COPA: variants seen among roughly 807,000 people sequenced by gnomAD.
COPA encodes coatomer subunit alpha.
In COPA, 10 loss-of-function variants were observed where a neutral mutation model predicts 158.7. The observed-to-expected ratio is 0.06, with a 90% CI of 0.04 to 0.11. COPA has a LOEUF of 0.11. Ranked by LOEUF, COPA falls within the 10% of genes least tolerant of loss-of-function variation. The pLI is 1.00. For synonymous variants in COPA, 462 were observed against 542.8 expected (o/e 0.85, Z 2.07); for missense variants, 1,065 against 1,536.7 (o/e 0.69, Z 5.13).
chr1:160,313,870 A>C, intron 9 of COPA, 120 bp downstream of exon 9: 1 of 964,996 alleles, frequency 1.0e-6, no homozygotes, highest in Non-Finnish European at 1.4e-6. Flanking sequence ...TCAAATTTTC[A>C]TAATATATGA....
intron 8 of COPA, among the ~76,000 whole-genome samples, chr1:160,321,255 A>C (rs75614942): frequency 0.033 from 5,038 of 152,236 alleles, 277 homozygotes; most frequent in African/African-American, 0.12. Flanking sequence ...AATGGGAAAA[A>C]ATTGAAGGCC....
Position 160,288,852 on chromosome 1 carries a change from T to A in COPA, c.*1305A>T, listed in dbSNP as rs73027686. On this transcript the variant is annotated 3_prime_UTR_variant, in exon 33 of 33. Coordinates refer to ENST00000241704, the MANE Select transcript of COPA (RefSeq NM_004371.4). ...GGCAGGTGCTCAATAAATATTGCTA[T>A]AATTAGCAAAAGATAAAAGGCTGCA... is the stretch of plus-strand genomic sequence containing the variant. 0.058 allele frequency among the ~76,000 whole-genome samples: 8,833 copies of A among 152,262 alleles called. 517 individuals are homozygous for A. Among genetic ancestry groups the A allele is most frequent in the African/African-American group, 0.14 (5,867 of 41,550 alleles).
chr1:160,333,676 A>G lies in COPA; in HGVS notation c.313T>C (p.Tyr105His). 6.2e-7 allele frequency: 1 copy of G among 1,611,560 alleles called. No homozygotes were observed. The highest frequency in any genetic ancestry group is 8.5e-7 in the Non-Finnish European group (1 of 1,178,102). ...TCGGAGGCACTCAGAATCCAGGGAT[A>G]TTCCTGAAAGATATTCCAGACAAAG... is the stretch of plus-strand genomic sequence containing the variant. ...YIRTTFFHHE[Y>H]PWILSASDDQ... Residue 105 changes from tyrosine (Y) to histidine (H), a missense_variant, in exon 5 of 33, where the codon TAT (tyrosine) becomes CAT (histidine). By Grantham distance (83) the Tyr-to-His change is moderately conservative. Transcript: ENST00000241704.
chr1:160,301,753 G>C (rs189125809), intron 17 of COPA, among the ~76,000 whole-genome samples: 7 of 152,158 alleles, frequency 4.6e-5, no homozygotes, highest in South Asian at 2.1e-4. Flanking sequence ...GGGCAACAGA[G>C]TGAGACTCTC....
chr1:160,335,153 T>G, intron 4 of COPA, 89 bp downstream of exon 4: 5 of 1,189,404 alleles, frequency 4.2e-6, no homozygotes, highest in Non-Finnish European at 5.9e-6. Flanking sequence ...ACAACTCTAT[T>G]ATTAAAACAT....
At chr1:160,301,003 A>G (rs1658580750) in intron 17 of COPA, among the ~76,000 whole-genome samples, 1 of 152,098 alleles carries the variant, frequency 6.6e-6, no homozygotes, top group South Asian at 2.1e-4. Context: ...CTATAATCCC[A>G]GCTACTTGGG....
At chr1:160,316,930 T>C (rs1659162109) in intron 8 of COPA, among the ~76,000 whole-genome samples, 1 of 151,994 alleles carries the variant, frequency 6.6e-6, no homozygotes, top group South Asian at 2.1e-4. Context: ...CCCTAAGGCA[T>C]ATAAAAGTCA....
intron 17 of COPA, among the ~76,000 whole-genome samples, chr1:160,300,649 T>C (rs542772940): frequency 6.6e-6 from 1 of 152,214 alleles, no homozygotes; most frequent in African/African-American, 2.4e-5. Flanking sequence ...CACACAACCT[T>C]GATACTAAAA....
Position 160,294,552 on chromosome 1 carries a change from G to C in COPA, c.2608C>G (p.Leu870Val), listed in dbSNP as rs1222094117. The C allele has an allele frequency of 1.2e-6, 2 of 1,614,164 alleles. No homozygotes were observed. Among genetic ancestry groups the C allele is most frequent in the African/African-American group, 2.7e-5 (2 of 75,030 alleles). The part of the protein sequence containing the change: ...EATEGLGDDA[L>V]GKGQEEGGGW... ...CCTCCTTCTTCCTGTCCCTTGCCAA[G>C]AGCATCATCCCCCAAACCTTCTGTA... The change falls in exon 25 of 33, where the codon CTT becomes GTT. Residue 870 changes from leucine (L) to valine (V), a missense_variant. Physicochemically the swap from Leu to Val is conservative, Grantham distance 32 (BLOSUM62 1). Coordinates refer to ENST00000241704, the MANE Select transcript of COPA (RefSeq NM_004371.4).
At chr1:160,325,909 A>C (rs1373675107) in intron 6 of COPA, among the ~76,000 whole-genome samples, 1 of 152,198 alleles carries the variant, frequency 6.6e-6, no homozygotes, top group African/African-American at 2.4e-5. Flanking sequence ...GGGTAACCCA[A>C]ATTTCTGGCA....
At chr1:160,302,549 CTTTTTTTT>C (rs35112618) in intron 17 of COPA, among the ~76,000 whole-genome samples, 2 of 91,690 alleles carry the variant, frequency 2.2e-5, no homozygotes, top group Non-Finnish European at 4.2e-5. Flanking sequence ...TCACAAGTTA[CTTTTTTTT>C]TTTTTTTTTT....
intron 8 of COPA, among the ~76,000 whole-genome samples, chr1:160,321,686 G>A (rs1659333558): frequency 6.6e-6 from 1 of 152,112 alleles, no homozygotes; most frequent in Non-Finnish European, 1.5e-5. Flanking sequence ...TACTCGAGAC[G>A]CTGAAGTATG....
In COPA at chr1:160,325,668, G is replaced by A. The variant is rs1659469141; in HGVS notation, c.497-16C>T. 1 of 1,578,836 alleles carries A rather than the reference G, an allele frequency of 6.3e-7. No individual in the cohort carries two copies. The highest frequency in any genetic ancestry group is 8.7e-7 in the Non-Finnish European group (1 of 1,148,152). On this transcript the variant is annotated splice_polypyrimidine_tract_variant and intron_variant, in intron 6 of 32. Transcript: ENST00000241704. ...TTCCTCAGACCTTTGAAGGGATAAG[G>A]AGTGGGATGAAAGATGTAAACATAA...
At chr1:160,317,665 G>A (rs1489387770) in intron 8 of COPA, 2 of 1,523,504 alleles carry the variant, frequency 1.3e-6, no homozygotes, top group African/African-American at 2.7e-5. Flanking sequence ...AGATGTGATT[G>A]AAGTTTATCA....
chr1:160,309,722 C>G (rs892689488), intron 12 of COPA, among the ~76,000 whole-genome samples: 3 of 147,534 alleles, frequency 2.0e-5, no homozygotes, highest in South Asian at 4.3e-4. Context: ...CACGAGGGCA[C>G]TAAAATTAGA....
intron 1 of COPA, among the ~76,000 whole-genome samples, chr1:160,341,808 T>C (rs1362436015): frequency 6.6e-6 from 1 of 152,220 alleles, no homozygotes; most frequent in Non-Finnish European, 1.5e-5. Context: ...TATTTTTCCA[T>C]TAGGTTCTTT....
chr1:160,318,468 T>TAAAAAAAAAAAAAAAAAAAAAAA (rs71090307), intron 8 of COPA, among the ~76,000 whole-genome samples: 3 of 15,662 alleles, frequency 1.9e-4, no homozygotes, highest in African/African-American at 3.9e-4. Flanking sequence ...ACAATATTTG[T>TAAAAAAAAAAAAAAAAAAAAAAA]AAAAAAAAAA....
chr1:160,302,710 A>T (rs1658653246), intron 17 of COPA, among the ~76,000 whole-genome samples: 1 of 151,276 alleles, frequency 6.6e-6, no homozygotes, highest in Non-Finnish European at 1.5e-5. Context: ...GCCCACCACC[A>T]CGCCCAGCTA....
In COPA at chr1:160,305,499, G is replaced by A; in HGVS notation, c.1601C>T (p.Ala534Val). Residue 534 changes from alanine to valine, a missense_variant, in exon 17 of 33, where the codon GCC becomes GTC. This residue lies in a region of COPA where 980 missense variants were observed against 1,357.8 expected (regional missense o/e 0.72). Transcript: ENST00000241704. ...IHENIRVKSGAWDESGVFIYT... is the reference protein window; with the variant it reads ...IHENIRVKSGVWDESGVFIYT... ...GATAAATACCCCACTCTCATCCCAGGCCCCACTCTTGACACGAATGTTCTC... is the reference window on the plus strand; with the variant it reads ...GATAAATACCCCACTCTCATCCCAGACCCCACTCTTGACACGAATGTTCTC... 6.2e-7 allele frequency: 1 copy of A among 1,614,110 alleles called. No homozygotes were observed. Among genetic ancestry groups the A allele is most frequent in the Non-Finnish European group, 8.5e-7 (1 of 1,180,008 alleles).
Sources: allele counts gnomAD v4.1 joint callset (sites outside exome capture counted in the v4.1 genomes callset), GRCh38; gene constraint gnomAD v4.1.1; regional missense constraint gnomAD v4.1.1; transcripts MANE v1.5; gene names NCBI Gene and HGNC (gene_info 2026-07-23, HGNC 2026-07-21).